Variants in SLC44A2 observed in about 807,000 individuals in gnomAD.
The protein encoded by SLC44A2 is solute carrier family 44 member 2 (CTL2 blood group).
SLC44A2 carries 57 observed loss-of-function variants against 90.8 expected under a neutral mutation model. That is an observed-to-expected ratio of 0.63 (90% CI 0.51 to 0.78). The LOEUF is 0.78. Among genes scored for constraint, SLC44A2 ranks in the 30% least tolerant of loss-of-function variants. The probability of loss-of-function intolerance (pLI) is 0.00; values close to 1 mark genes in which losing one functional copy is unlikely to be tolerated. For missense variants in SLC44A2, 794 were observed against 919.7 expected (o/e 0.86, Z 1.77); for synonymous variants, 355 against 360.7 (o/e 0.98, Z 0.18).
At chr19:10,614,986 A>AG (rs1187407985) in intron 1 of SLC44A2, among the ~76,000 whole-genome samples, 8 of 151,094 alleles carry the variant, frequency 5.3e-5, no homozygotes, top group Non-Finnish European at 3.0e-5. Flanking sequence ...AAAAAAAAAA[A>AG]AAGAAGAAGA....
At chr19:10,638,191 A>G (rs542395494) in intron 19 of SLC44A2, 36 bp from the exon 20 acceptor site, 1 of 1,613,186 alleles carries the variant, frequency 6.2e-7, no homozygotes, top group East Asian at 2.2e-5. Context: ...CTATATCCAG[A>G]ACCCTTCGCC....
At chr19:10,634,281 C>T (rs2067029390) in intron 10 of SLC44A2, among the ~76,000 whole-genome samples, 1 of 150,748 alleles carries the variant, frequency 6.6e-6, no homozygotes, top group Non-Finnish European at 1.5e-5. Context: ...AGCCACCGCG[C>T]CCGGCCAACC....
chr19:10,642,637 C>T (rs1238348704), intron 21 of SLC44A2, among the ~76,000 whole-genome samples, 186 bp downstream of exon 21: 1 of 152,200 alleles, frequency 6.6e-6, no homozygotes, highest in Non-Finnish European at 1.5e-5. Context: ...CAGCTCCGAC[C>T]TCCTGTCCAC....
At chr19:10,634,274 C>T (rs1400328216) in intron 10 of SLC44A2, among the ~76,000 whole-genome samples, 1 of 150,426 alleles carries the variant, frequency 6.6e-6, no homozygotes, top group Non-Finnish European at 1.5e-5. Context: ...AGGCGTGAGC[C>T]ACCGCGCCCG....
chr19:10,626,340 A>G (rs1431129102), intron 2 of SLC44A2, 39 bp downstream of exon 2: 1 of 1,454,648 alleles, frequency 6.9e-7, no homozygotes, highest in East Asian at 2.3e-5. Flanking sequence ...CCCCGCTAAT[A>G]CTACCCCAAT....
chr19:10,635,673 C>T (rs192007860), intron 14 of SLC44A2, 158 bp downstream of exon 14: 35 of 639,640 alleles, frequency 5.5e-5, no homozygotes, highest in Non-Finnish European at 8.9e-5. Flanking sequence ...AAGAGACTCT[C>T]TAACTGGATC....
chr19:10,637,517 C>T, intron 16 of SLC44A2, 127 bp from the exon 17 acceptor site: 1 of 809,944 alleles, frequency 1.2e-6, no homozygotes, highest in Non-Finnish European at 2.0e-6. Flanking sequence ...GCTTAAGTCC[C>T]TGTCTCTTTG....
intron 20 of SLC44A2, chr19:10,641,068 C>T: frequency 2.4e-6 from 1 of 420,900 alleles, no homozygotes; most frequent in Non-Finnish European, 4.6e-6. Flanking sequence ...GCCTGGGTGA[C>T]AGAGCAAGAT....
chr19:10,642,338 G>A (rs2067125672), intron 20 of SLC44A2, 29 bp from the exon 21 acceptor site: 4 of 1,604,918 alleles, frequency 2.5e-6, no homozygotes, highest in African/African-American at 1.3e-5. Context: ...AGGACACGGA[G>A]CAGGGACAGC....
intron 20 of SLC44A2, among the ~76,000 whole-genome samples, chr19:10,639,446 G>C (rs1286801617): frequency 6.6e-6 from 1 of 152,118 alleles, no homozygotes; most frequent in Non-Finnish European, 1.5e-5. Context: ...GTGTGGGGGG[G>C]GTCCAGGTGG....
intron 1 of SLC44A2, among the ~76,000 whole-genome samples, chr19:10,605,951 GC>G (rs1197317626): frequency 6.6e-6 from 1 of 152,108 alleles, no homozygotes. Flanking sequence ...CTGAGATGGT[GC>G]CACTGCACTC....
chr19:10,602,817 G>T (rs1167069212), intron 1 of SLC44A2, among the ~76,000 whole-genome samples: 3 of 152,178 alleles, frequency 2.0e-5, no homozygotes, highest in Non-Finnish European at 4.4e-5. Context: ...GCCCGGGGAG[G>T]TCCCGTTATC....
upstream of SLC44A2, among the ~76,000 whole-genome samples, chr19:10,624,581 C>T (rs1358723573): frequency 6.6e-6 from 1 of 152,274 alleles, no homozygotes. Flanking sequence ...GCATGAGCCA[C>T]TGCACCTGGC....
At chr19:10,618,243 C>T (rs1408591868) in intron 1 of SLC44A2, among the ~76,000 whole-genome samples, 3 of 147,440 alleles carry the variant, frequency 2.0e-5, no homozygotes, top group African/African-American at 2.5e-5. Flanking sequence ...GTCGTAGTCT[C>T]GGTTTACTTC....
chr19:10,636,392 G>T lies in SLC44A2; in HGVS notation c.1303G>T (p.Glu435Ter). ...ARCQFAFYGG[E>*]SGYHRALLGL... is the part of the protein sequence containing the mutation. ...TTGCCAGTTCGCCTTCTACGGTGGT[G>T]AGTCGGGCTACCACCGGGCCCTGCT... Residue 435 changes from glutamate (E) to a stop codon, truncating the protein, a stop_gained, in exon 15 of 22, where the codon GAG (glutamate) becomes TAG (stop). Transcript: ENST00000335757. LOFTEE classifies it high-confidence loss of function. 6.2e-7 allele frequency: 1 copy of T among 1,613,824 alleles called. No individual in the cohort carries two copies. Among genetic ancestry groups the T allele is most frequent in the Middle Eastern group, 1.6e-4 (1 of 6,062 alleles).
intron 1 of SLC44A2, among the ~76,000 whole-genome samples, chr19:10,608,026 T>A (rs1487529961): frequency 6.6e-6 from 1 of 151,678 alleles, no homozygotes; most frequent in Non-Finnish European, 1.5e-5. Flanking sequence ...GGATTACAGG[T>A]GTGAGCCACT....
At chr19:10,603,503 C>T (rs776822259) in intron 1 of SLC44A2, among the ~76,000 whole-genome samples, 1 of 152,184 alleles carries the variant, frequency 6.6e-6, no homozygotes, top group Non-Finnish European at 1.5e-5. Context: ...GGGCCGGAAA[C>T]GGCTCGAAAA....
chr19:10,627,722 G>A lies in SLC44A2; in HGVS notation c.87G>A (p.Arg29=). The A allele has an allele frequency of 6.2e-7, 1 of 1,613,032 alleles. No individual in the cohort carries two copies. Among genetic ancestry groups the A allele is most frequent in the Admixed American group, 1.7e-5 (1 of 59,980 alleles). The change falls in exon 3 of 22, where the codon AGG becomes AGA. Residue 29 remains arginine (R), a splice_region_variant and synonymous_variant. Transcript: ENST00000335757. ...CAAACACTGCCCCTCTGCTCCCCAG[G>A]GGCTGCACGGATATCATATGCTGTG... is the stretch of plus-strand genomic sequence containing the variant. ...DPTFKGPIYN[R]GCTDIICCVF...
chr19:10,626,737 C>T (rs1334833430), intron 2 of SLC44A2, among the ~76,000 whole-genome samples: 6 of 151,232 alleles, frequency 4.0e-5, no homozygotes, highest in Non-Finnish European at 8.8e-5. Context: ...TTAATTTTTA[C>T]CATGTTTATA....
Sources: allele counts gnomAD v4.1 joint callset (sites outside exome capture counted in the v4.1 genomes callset), GRCh38; gene constraint gnomAD v4.1.1; transcripts MANE v1.5; gene names NCBI Gene and HGNC (gene_info 2026-07-23, HGNC 2026-07-21).